Variants in EYA2 observed in about 807,000 individuals in gnomAD.
EYA2 encodes EYA transcriptional coactivator and phosphatase 2.
In EYA2, 31 loss-of-function variants were observed where a neutral mutation model predicts 69.2. The observed-to-expected ratio is 0.45, with a 90% CI of 0.34 to 0.60. The LOEUF is 0.60. EYA2 is among the 20% of genes least tolerant of loss of function. The probability of loss-of-function intolerance (pLI) is 0.02; values close to 1 mark genes in which losing one functional copy is unlikely to be tolerated. For synonymous variants in EYA2, 257 were observed against 279.4 expected, an observed-to-expected ratio of 0.92 and a Z score of 0.80; for missense variants, 622 against 701.2, an observed-to-expected ratio of 0.89 and a Z score of 1.28.
At chr20:47,078,538 C>A (rs1389980312) in intron 7 of EYA2, among the ~76,000 whole-genome samples, 1 of 152,198 alleles carries the variant, frequency 6.6e-6, no homozygotes, top group Non-Finnish European at 1.5e-5. Flanking sequence ...ACTCACATCC[C>A]CCATGCACCC....
chr20:46,948,294 A>G (rs1034148865), intron 1 of EYA2, among the ~76,000 whole-genome samples: 1 of 152,202 alleles, frequency 6.6e-6, no homozygotes, highest in Non-Finnish European at 1.5e-5. Flanking sequence ...AAACAGTCAG[A>G]GACAACATGT....
At chr20:46,987,957 T>TCTCG (rs1981368370) in intron 1 of EYA2, among the ~76,000 whole-genome samples, 1 of 52,820 alleles carries the variant, frequency 1.9e-5, no homozygotes, top group African/African-American at 9.1e-5. Context: ...TCTCTCTCTC[T>TCTCG]CTCTCTCTAT....
intron 5 of EYA2, among the ~76,000 whole-genome samples, chr20:47,034,536 C>T (rs111722154): frequency 4.6e-5 from 7 of 152,086 alleles, no homozygotes; most frequent in African/African-American, 1.4e-4. Context: ...TGTGGGTGAA[C>T]CAGCTTCCCA....
intron 5 of EYA2, among the ~76,000 whole-genome samples, chr20:47,031,663 T>G (rs1984424258): frequency 2.0e-5 from 3 of 152,218 alleles, no homozygotes; most frequent in African/African-American, 7.2e-5. Context: ...ATGACGTTGC[T>G]TTTGTGTCAC....
intron 1 of EYA2, among the ~76,000 whole-genome samples, chr20:46,933,947 A>T (rs768306123): frequency 2.0e-5 from 3 of 152,232 alleles, no homozygotes; most frequent in Non-Finnish European, 4.4e-5. Flanking sequence ...GTATTTAACA[A>T]ACCCCTGCCT....
chr20:47,115,981 C>A (rs1205687638), intron 9 of EYA2, among the ~76,000 whole-genome samples: 1 of 152,182 alleles, frequency 6.6e-6, no homozygotes, highest in Admixed American at 6.5e-5. Context: ...AACACTCTTC[C>A]TACCCTCCCT....
chr20:46,961,325 CAAAT>C (rs967768281), intron 1 of EYA2, among the ~76,000 whole-genome samples: 1 of 151,910 alleles, frequency 6.6e-6, no homozygotes, highest in Non-Finnish European at 1.5e-5. Flanking sequence ...GACTCTGTCT[CAAAT>C]AAATAAATAA....
intron 1 of EYA2, among the ~76,000 whole-genome samples, chr20:46,916,454 GTT>G (rs1984910070): frequency 1.3e-5 from 2 of 152,172 alleles, no homozygotes; most frequent in Non-Finnish European, 2.9e-5. Context: ...AAGTGTGTGA[GTT>G]TGTGTGTGTG....
chr20:47,178,555 T>C (rs1461771140), intron 12 of EYA2, among the ~76,000 whole-genome samples: 1 of 151,348 alleles, frequency 6.6e-6, no homozygotes, highest in Non-Finnish European at 1.5e-5. Context: ...AGGATCATGC[T>C]GCTGGGGGTT....
At chr20:47,081,971 T>C (rs962634937) in intron 7 of EYA2, among the ~76,000 whole-genome samples, 2 of 151,526 alleles carry the variant, frequency 1.3e-5, no homozygotes, top group Admixed American at 1.3e-4. Flanking sequence ...TCCTGAGTAG[T>C]TGGGATTACA....
intron 7 of EYA2, among the ~76,000 whole-genome samples, chr20:47,081,393 A>G (rs1391687659): frequency 6.6e-6 from 1 of 152,188 alleles, no homozygotes; most frequent in Non-Finnish European, 1.5e-5. Context: ...ATATATACAT[A>G]TATCAAAATA....
At chr20:46,915,779 T>G (rs1984876519) in intron 1 of EYA2, among the ~76,000 whole-genome samples, 1 of 152,070 alleles carries the variant, frequency 6.6e-6, no homozygotes. Flanking sequence ...CAATTGAGGG[T>G]CTCAGTCATG....
At chr20:47,074,741 A>G (rs1374539273) in intron 7 of EYA2, among the ~76,000 whole-genome samples, 1 of 152,140 alleles carries the variant, frequency 6.6e-6, no homozygotes, top group Admixed American at 6.5e-5. Context: ...ACCCAATTCC[A>G]CATCTAGCTA....
chr20:47,120,418 T>A (rs1028569194), intron 9 of EYA2, among the ~76,000 whole-genome samples: 3 of 152,156 alleles, frequency 2.0e-5, no homozygotes, highest in Non-Finnish European at 2.9e-5. Context: ...TTTACCTAAA[T>A]TTTTTAAAAA....
intron 2 of EYA2, among the ~76,000 whole-genome samples, chr20:46,994,067 A>C (rs555834514): frequency 4.6e-4 from 70 of 152,364 alleles, no homozygotes; most frequent in African/African-American, 1.5e-3. Flanking sequence ...GTGAAGGGGT[A>C]GGTGGATGAA....
chr20:46,994,353 G>C (rs1044676964), intron 2 of EYA2, among the ~76,000 whole-genome samples: 1 of 152,186 alleles, frequency 6.6e-6, no homozygotes, highest in South Asian at 2.1e-4. Context: ...ATTGTATCCT[G>C]TCTCTGGGAA....
chr20:46,936,447 G>C (rs1985913534), intron 1 of EYA2, among the ~76,000 whole-genome samples: 1 of 152,058 alleles, frequency 6.6e-6, no homozygotes, highest in African/African-American at 2.4e-5. Context: ...CTCCAGCTTG[G>C]GTGACAGAGC....
intron 2 of EYA2, among the ~76,000 whole-genome samples, chr20:47,000,455 G>T (rs1264141383): frequency 6.6e-6 from 1 of 152,214 alleles, no homozygotes; most frequent in Non-Finnish European, 1.5e-5. Context: ...GCCTTAGGTT[G>T]TGATGATGAC....
Position 47,003,584 on chromosome 20 carries a change from G to A in EYA2, c.156-1358G>A, listed in dbSNP as rs188515392. On this transcript the variant is annotated intron_variant, in intron 3 of 15. Coordinates refer to ENST00000327619, the MANE Select transcript of EYA2 (RefSeq NM_005244.5). ...TGCATGTGTGTGTGTATCTGTGCACGTAACCTCCTGGTTTTCAAATTTTAA... is the reference window on the plus strand; with the variant it reads ...TGCATGTGTGTGTGTATCTGTGCACATAACCTCCTGGTTTTCAAATTTTAA... 3.0e-3 allele frequency among the ~76,000 whole-genome samples: 456 copies of A among 152,332 alleles called. 4 individuals carry two copies. Among genetic ancestry groups the A allele is most frequent in the African/African-American group, 1.0e-2 (414 of 41,576 alleles).
Sources: allele counts gnomAD v4.1 joint callset (sites outside exome capture counted in the v4.1 genomes callset), GRCh38; gene constraint gnomAD v4.1.1; transcripts MANE v1.5; gene names NCBI Gene and HGNC (gene_info 2026-07-23, HGNC 2026-07-21).